ZFHX3: variants seen among roughly 807,000 people sequenced by gnomAD.
The protein encoded by ZFHX3 is zinc finger homeobox 3, also known as zinc finger homeobox protein 3.
Under a neutral mutation model 279.1 loss-of-function variants are expected in ZFHX3, and 42 were observed. The observed-to-expected ratio is 0.15, with a 90% confidence interval of 0.12 to 0.19. The LOEUF (loss-of-function observed/expected upper bound fraction) is 0.19, where lower values mean the gene tolerates loss of function less well. Among genes scored for constraint, ZFHX3 ranks in the 10% least tolerant of loss-of-function variants. The pLI is 1.00. For synonymous variants in ZFHX3, 2,293 were observed against 1,957.8 expected (o/e 1.17, Z -4.52); for missense variants, 4,981 against 4,754.0 (o/e 1.05, Z -1.40).
chr16:73,560,924 T>C (rs1027088730), intron 2 of ZFHX3, among the ~76,000 whole-genome samples: 1 of 152,064 alleles, frequency 6.6e-6, no homozygotes, highest in Non-Finnish European at 1.5e-5. Context: ...TTTAGCCAAA[T>C]AGGCAAAAAA....
intron 1 of ZFHX3, among the ~76,000 whole-genome samples, chr16:73,846,257 A>G (rs1386455590): frequency 1.3e-5 from 2 of 151,552 alleles, no homozygotes; most frequent in East Asian, 1.9e-4. Context: ...GAGTCAAAGG[A>G]AAAAAAAATG....
chr16:73,040,266 G>A (rs1965063258), intron 1 of ZFHX3, among the ~76,000 whole-genome samples: 1 of 152,130 alleles, frequency 6.6e-6, no homozygotes, highest in Admixed American at 6.5e-5. Context: ...AAGGGGACAG[G>A]GCAAGGGACA....
intron 1 of ZFHX3, among the ~76,000 whole-genome samples, chr16:73,008,256 G>A (rs1963786356): frequency 6.6e-6 from 1 of 152,038 alleles, no homozygotes; most frequent in Non-Finnish European, 1.5e-5. Context: ...CATACATTTA[G>A]ATATACAGAG....
intron 6 of ZFHX3, chr16:73,131,115 T>A (rs1322688007): frequency 1.7e-6 from 1 of 580,062 alleles, no homozygotes; most frequent in South Asian, 1.5e-5. Flanking sequence ...GGAGTAATAA[T>A]AGGACTTGTT....
intron 2 of ZFHX3, among the ~76,000 whole-genome samples, chr16:73,648,471 C>A (rs558425763): frequency 6.6e-6 from 1 of 152,322 alleles, no homozygotes; most frequent in African/African-American, 2.4e-5. Flanking sequence ...CTCACTGCAA[C>A]CTCGGCCTCC....
At chr16:73,491,262 G>A (rs1199316745) in intron 2 of ZFHX3, among the ~76,000 whole-genome samples, 1 of 152,134 alleles carries the variant, frequency 6.6e-6, no homozygotes, top group Admixed American at 6.5e-5. Context: ...CGGGGGCAGA[G>A]AGATGGAAAA....
At chr16:72,807,150 ATC>A (rs1188300976) in intron 7 of ZFHX3, 3 of 152,218 alleles carry the variant, frequency 2.0e-5, no homozygotes, top group Non-Finnish European at 4.4e-5. Context: ...CAGCTCCTAC[ATC>A]TCTTTCACCA....
At chr16:73,291,061 G>A (rs994149100) in intron 4 of ZFHX3, among the ~76,000 whole-genome samples, 2 of 152,068 alleles carry the variant, frequency 1.3e-5, no homozygotes, top group African/African-American at 2.4e-5. Context: ...AGTTGACCTC[G>A]CCTGCCACAA....
upstream of ZFHX3, among the ~76,000 whole-genome samples, chr16:73,052,170 A>G (rs1805861412): frequency 6.6e-6 from 1 of 152,076 alleles, no homozygotes; most frequent in African/African-American, 2.4e-5. Context: ...CAGAAGAGGA[A>G]AAGAAATGGG....
At chr16:73,470,253 C>G (rs956527830) in intron 2 of ZFHX3, among the ~76,000 whole-genome samples, 1 of 152,190 alleles carries the variant, frequency 6.6e-6, no homozygotes, top group African/African-American at 2.4e-5. Flanking sequence ...TTCAACGCAT[C>G]ATCTACTTAT....
intron 5 of ZFHX3, among the ~76,000 whole-genome samples, chr16:72,814,180 T>C (rs1224570180): frequency 1.3e-5 from 2 of 152,126 alleles, no homozygotes; most frequent in East Asian, 3.9e-4. Context: ...TATATATAGT[T>C]AGGAAAAAGC....
chr16:73,814,516 C>T (rs568340904), intron 1 of ZFHX3, among the ~76,000 whole-genome samples: 6 of 151,742 alleles, frequency 4.0e-5, no homozygotes, highest in African/African-American at 9.7e-5. Context: ...TTTTAAAATA[C>T]GTGATAGTTG....
intron 3 of ZFHX3, among the ~76,000 whole-genome samples, chr16:73,325,358 C>T (rs1212040362): frequency 1.3e-5 from 2 of 152,148 alleles, no homozygotes; most frequent in Non-Finnish European, 2.9e-5. Context: ...GTGGGCAGTG[C>T]TAAGACAGAT....
At chr16:72,893,056 T>C (rs957471998) in intron 3 of ZFHX3, among the ~76,000 whole-genome samples, 5 of 152,112 alleles carry the variant, frequency 3.3e-5, no homozygotes, top group Non-Finnish European at 7.3e-5. Context: ...CAGCAAGAGT[T>C]TGTCCTAAAA....
chr16:72,964,220 G>C (rs1340227959), intron 1 of ZFHX3, among the ~76,000 whole-genome samples: 1 of 152,142 alleles, frequency 6.6e-6, no homozygotes, highest in African/African-American at 2.4e-5. Context: ...TCATCATAAG[G>C]AAAGAACCCA....
intron 3 of ZFHX3, among the ~76,000 whole-genome samples, chr16:73,322,747 C>T (rs554981133): frequency 7.2e-5 from 11 of 152,280 alleles, no homozygotes; most frequent in African/African-American, 2.2e-4. Flanking sequence ...ATTTACTGAA[C>T]GCCCACTAAT....
intron 3 of ZFHX3, among the ~76,000 whole-genome samples, chr16:72,930,086 C>T (rs1445446998): frequency 2.0e-5 from 3 of 152,246 alleles, no homozygotes; most frequent in South Asian, 2.1e-4. Flanking sequence ...GGCGTGGTGG[C>T]GGGCGCCTGT....
chr16:73,344,227 G>A (rs1297128856), intron 3 of ZFHX3, among the ~76,000 whole-genome samples: 1 of 152,070 alleles, frequency 6.6e-6, no homozygotes, highest in African/African-American at 2.4e-5. Context: ...TCCTCACTGA[G>A]GAAGACACAG....
At chr16:73,376,767 C>T (rs1459493077) in intron 3 of ZFHX3, among the ~76,000 whole-genome samples, 1 of 152,140 alleles carries the variant, frequency 6.6e-6, no homozygotes, top group Non-Finnish European at 1.5e-5. Flanking sequence ...GTAGATGACC[C>T]ACCTTACATT....
Sources: gnomAD v4.1 joint callset for allele counts (sites outside exome capture counted in the v4.1 genomes callset) on GRCh38, gnomAD v4.1.1 for gene constraint, MANE v1.5 for transcripts, NCBI Gene and HGNC (gene_info 2026-07-23, HGNC 2026-07-21) for gene names.